The following NCAM2 variants were observed in gnomAD, a reference collection of about 807,000 sequenced individuals.
The protein encoded by NCAM2 is N-CAM-2.
In NCAM2, 30 loss-of-function variants were observed where a neutral mutation model predicts 98.1. The observed-to-expected ratio is 0.31, with a 90% confidence interval of 0.23 to 0.41. The LOEUF (loss-of-function observed/expected upper bound fraction) is 0.41. NCAM2 is among the 10% of genes least tolerant of loss of function. NCAM2 has a pLI of 1.00. For missense variants in NCAM2, 867 were observed against 1,005.8 expected, an observed-to-expected ratio of 0.86 and a Z score of 1.87; for synonymous variants, 368 against 342.4, an observed-to-expected ratio of 1.07 and a Z score of -0.83.
chr21:21,245,357 G>A (rs1415112366), intron 1 of NCAM2, among the ~76,000 whole-genome samples: 1 of 152,164 alleles, frequency 6.6e-6, no homozygotes, highest in Non-Finnish European at 1.5e-5. Context: ...GTGAGTGATT[G>A]CATATGTGTT....
intron 15 of NCAM2, among the ~76,000 whole-genome samples, chr21:21,499,052 A>G (rs1258230088): frequency 2.0e-5 from 3 of 152,164 alleles, no homozygotes; most frequent in African/African-American, 7.2e-5. Context: ...TATAGTGTCA[A>G]TTAGGAATAT....
At chr21:21,358,875 T>C (rs1344363928) in intron 8 of NCAM2, among the ~76,000 whole-genome samples, 1 of 152,086 alleles carries the variant, frequency 6.6e-6, no homozygotes, top group Non-Finnish European at 1.5e-5. Context: ...ATAAATTTGA[T>C]ATTTACTAAC....
intron 16 of NCAM2, among the ~76,000 whole-genome samples, chr21:21,527,973 A>G (rs1253963221): frequency 1.3e-5 from 2 of 152,238 alleles, no homozygotes; most frequent in Non-Finnish European, 2.9e-5. Context: ...TAAATGAATA[A>G]ACTGTGGTAG....
chr21:21,409,084 A>T (rs1361413405), intron 9 of NCAM2, among the ~76,000 whole-genome samples: 1 of 152,114 alleles, frequency 6.6e-6, no homozygotes, highest in Non-Finnish European at 1.5e-5. Flanking sequence ...TAATCAGCAT[A>T]AATATGAGCA....
At chr21:21,071,594 A>C (rs561235043) in intron 1 of NCAM2, among the ~76,000 whole-genome samples, 1 of 152,334 alleles carries the variant, frequency 6.6e-6, no homozygotes, top group Non-Finnish European at 1.5e-5. Flanking sequence ...GCATTGACGT[A>C]TAGAGTTAGA....
chr21:21,422,096 C>CA (rs1268169822), intron 11 of NCAM2, among the ~76,000 whole-genome samples: 7 of 152,024 alleles, frequency 4.6e-5, no homozygotes, highest in Non-Finnish European at 5.9e-5. Flanking sequence ...TGCAGGGGTC[C>CA]AGTGTTGAGT....
intron 1 of NCAM2, among the ~76,000 whole-genome samples, chr21:21,179,634 T>C (rs1399706443): frequency 6.6e-6 from 1 of 152,220 alleles, no homozygotes; most frequent in African/African-American, 2.4e-5. Context: ...CCGGACTGTT[T>C]TATTCAAACT....
intron 12 of NCAM2, among the ~76,000 whole-genome samples, chr21:21,439,205 G>A (rs368104306): frequency 1.5e-3 from 219 of 150,226 alleles, no homozygotes; most frequent in East Asian, 6.1e-3. Flanking sequence ...TACAACCTCC[G>A]CCTCCCGGGT....
chr21:21,404,861 AAAGTT>A (rs1288175202), intron 9 of NCAM2, among the ~76,000 whole-genome samples: 1 of 151,580 alleles, frequency 6.6e-6, no homozygotes, highest in African/African-American at 2.4e-5. Flanking sequence ...AAGTGAAAGT[AAAGTT>A]GCTTTTTTAC....
intron 1 of NCAM2, among the ~76,000 whole-genome samples, chr21:21,032,178 C>T: frequency 1.4e-5 from 1 of 72,710 alleles, no homozygotes; most frequent in African/African-American, 3.9e-5. Flanking sequence ...CTCTAAATAA[C>T]TCTATAAATA....
chr21:21,140,966 TGC>T (rs2067156335), intron 1 of NCAM2, among the ~76,000 whole-genome samples: 1 of 152,142 alleles, frequency 6.6e-6, no homozygotes, highest in Admixed American at 6.6e-5. Context: ...ACATGTACCC[TGC>T]TGTGAAGGAC....
chr21:21,534,686 C>G (rs750993659), intron 17 of NCAM2, 30 bp downstream of exon 17: 4 of 1,521,184 alleles, frequency 2.6e-6, no homozygotes, highest in Non-Finnish European at 2.6e-6. Flanking sequence ...CACTTATGTT[C>G]AAATGGGTAT....
intron 14 of NCAM2, among the ~76,000 whole-genome samples, chr21:21,472,620 TAAAG>T (rs1424082994): frequency 6.6e-6 from 1 of 151,698 alleles, no homozygotes; most frequent in Non-Finnish European, 1.5e-5. Context: ...AAGAAATCAA[TAAAG>T]AAATTAGCTC....
At chr21:21,348,382 A>G (rs1487320452) in intron 8 of NCAM2, among the ~76,000 whole-genome samples, 2 of 152,146 alleles carry the variant, frequency 1.3e-5, no homozygotes, top group African/African-American at 4.8e-5. Context: ...ATACCTAGGA[A>G]TTAACCAAAG....
intron 5 of NCAM2, among the ~76,000 whole-genome samples, chr21:21,298,588 C>CAGACAGACAGATAGAT (rs34936749): frequency 3.4e-5 from 5 of 147,538 alleles, no homozygotes; most frequent in African/African-American, 1.2e-4. Flanking sequence ...ATGATAGATA[C>CAGACAGACAGATAGAT]AGATAGATAG....
At chr21:21,087,342 C>G (rs1315624942) in intron 1 of NCAM2, among the ~76,000 whole-genome samples, 2 of 152,086 alleles carry the variant, frequency 1.3e-5, no homozygotes, top group East Asian at 3.9e-4. Context: ...AGTCATGAGA[C>G]CGAGGAGAAG....
At chr21:21,420,552 T>A (rs1353653434) in intron 11 of NCAM2, among the ~76,000 whole-genome samples, 4 of 152,046 alleles carry the variant, frequency 2.6e-5, no homozygotes, top group Non-Finnish European at 5.9e-5. Flanking sequence ...GGTAGAGATT[T>A]TATTTATAAC....
intron 15 of NCAM2, among the ~76,000 whole-genome samples, chr21:21,483,083 G>GAAAT (rs1183652794): frequency 6.6e-6 from 1 of 151,878 alleles, no homozygotes; most frequent in Non-Finnish European, 1.5e-5. Context: ...AAAATCCTTG[G>GAAAT]AAATAAATAA....
At chr21:21,360,565 A>G (rs1180632268) in intron 8 of NCAM2, among the ~76,000 whole-genome samples, 1 of 152,052 alleles carries the variant, frequency 6.6e-6, no homozygotes, top group Non-Finnish European at 1.5e-5. Flanking sequence ...TCTAGTATGC[A>G]TAAATCCTAC....
Sources: gnomAD v4.1 joint callset for allele counts (sites outside exome capture counted in the v4.1 genomes callset) on GRCh38, gnomAD v4.1.1 for gene constraint, MANE v1.5 for transcripts, NCBI Gene and HGNC (gene_info 2026-07-23, HGNC 2026-07-21) for gene names.